CUL4A: variants seen among roughly 807,000 people sequenced by gnomAD.
CUL4A encodes cullin-4A.
A neutral mutation model predicts 95.5 loss-of-function variants in CUL4A; 16 were observed. The observed-to-expected ratio is 0.17, with a 90% CI of 0.11 to 0.25. The LOEUF (loss-of-function observed/expected upper bound fraction) is 0.25, where lower values mean the gene tolerates loss of function less well. Among genes scored for constraint, CUL4A ranks in the 10% least tolerant of loss-of-function variants. CUL4A has a pLI of 1.00. For missense variants in CUL4A, 610 were observed against 937.0 expected (o/e 0.65, Z 4.56); for synonymous variants, 380 against 353.1 (o/e 1.08, Z -0.85).
rs1210675977 is a variant in CUL4A, at chr13:113,232,202, G to A, written c.513-975G>A. ...ACCATTACTGCTGCCACCACTACCC[G>A]CCCACCACCATTACTGCTGCCACCA... On this transcript the variant is annotated intron_variant, in intron 5 of 19. Transcript: ENST00000375440. Among the ~76,000 whole-genome samples, 4 of 3,760 alleles carry A rather than the reference G, an allele frequency of 1.1e-3. 1 individual carries two copies. The highest frequency in any genetic ancestry group is 2.8e-3 in the Admixed American group (1 of 356). The allele number at this position is 3,760 out of a possible 152,430, so 2.5% of individuals were successfully genotyped here. A position where few individuals can be genotyped will look rare whatever the true frequency, so the allele number is the denominator to read the frequency against.
rs192239568 is a variant in CUL4A, at chr13:113,254,395, G to A, written c.1753-298G>A. ...GGGTGGATCACAAGGTCAGGAGATCGAGACCATCCTGGCTAACACAGTGGA... is the reference window on the plus strand; with the variant it reads ...GGGTGGATCACAAGGTCAGGAGATCAAGACCATCCTGGCTAACACAGTGGA... On this transcript the variant is annotated intron_variant, in intron 16 of 19. Coordinates refer to ENST00000375440, the MANE Select transcript of CUL4A (RefSeq NM_001008895.4). 4.3e-3 allele frequency among the ~76,000 whole-genome samples: 660 copies of A among 152,214 alleles called. 15 individuals are homozygous for A. Among genetic ancestry groups the A allele is most frequent in the Admixed American group, 0.039 (589 of 15,286 alleles).
At chr13:113,208,268 G>A, upstream of CUL4A, 2 of 1,441,340 alleles carry the variant, frequency 1.4e-6, no homozygotes, top group Non-Finnish European at 1.8e-6. Flanking sequence ...GGCGTGGCCC[G>A]CAGGCCCTTC....
chr13:113,235,774 T>G (rs1595390337), intron 8 of CUL4A, among the ~76,000 whole-genome samples: 3 of 151,892 alleles, frequency 2.0e-5, no homozygotes, highest in East Asian at 3.9e-4. Context: ...ATCGAGACCA[T>G]CCTGACCAAC....
rs2040294577 is a variant in CUL4A, at chr13:113,209,845, G to C, written c.148+70G>C. 3 of 1,160,158 alleles carry C rather than the reference G, an allele frequency of 2.6e-6. No homozygotes were observed. In the South Asian group the frequency reaches 1.3e-4, roughly 48 times the overall value. 71.9% of individuals were successfully genotyped at this position (1,160,158 alleles called of 1,614,324 possible). A position where few individuals can be genotyped will look rare whatever the true frequency, so the allele number is the denominator to read the frequency against. On this transcript the variant is annotated intron_variant, in intron 1 of 19. Coordinates refer to ENST00000375440, the MANE Select transcript of CUL4A (RefSeq NM_001008895.4). ...ACCCCACGAGACCCCGCCCGACTTG[G>C]GGGGAAGGCCCCGAGATCCGTGCGG...
intron 16 of CUL4A, 139 bp from the exon 17 acceptor site, chr13:113,254,554 C>T (rs2042073979): frequency 5.3e-6 from 3 of 564,302 alleles, no homozygotes; most frequent in Non-Finnish European, 9.2e-6. Context: ...GAGATTGTGC[C>T]ACTGCACTCC....
chr13:113,232,218 G>GTCACCACTAC lies in CUL4A; in HGVS notation c.513-959_513-958insTCACCACTAC, dbSNP rs1566343834. Reference sequence around the variant, plus strand: ...CCACTACCCGCCCACCACCATTACTGCTGCCACCACTACCCGCCCACCACC... The same window carrying GTCACCACTAC: ...CCACTACCCGCCCACCACCATTACTGTCACCACTACCTGCCACCACTACCCGCCCACCACC... On this transcript the variant is annotated intron_variant, in intron 5 of 19. Transcript: ENST00000375440. Among the ~76,000 whole-genome samples, 8 of 2,600 alleles carry GTCACCACTAC rather than the reference G, an allele frequency of 3.1e-3. 3 individuals carry two copies. In the East Asian group the frequency reaches 0.047, roughly 15 times the overall value. The allele number at this position is 2,600 out of a possible 152,430, so 1.7% of individuals were successfully genotyped here.
At chr13:113,259,807 T>C (rs2042221555) in intron 18 of CUL4A, among the ~76,000 whole-genome samples, 2 of 152,180 alleles carry the variant, frequency 1.3e-5, no homozygotes, top group Admixed American at 1.3e-4. Flanking sequence ...TTTTTAAGTT[T>C]TGGTTTTGGA....
At chr13:113,223,586 G>A (rs777572913) in intron 3 of CUL4A, among the ~76,000 whole-genome samples, 6 of 152,170 alleles carry the variant, frequency 3.9e-5, no homozygotes, top group Non-Finnish European at 5.9e-5. Flanking sequence ...TAGTAGAAAC[G>A]GGGTTTCTCC....
chr13:113,220,863 CAG>C (rs2040870902), intron 3 of CUL4A, among the ~76,000 whole-genome samples: 1 of 152,160 alleles, frequency 6.6e-6, no homozygotes, highest in Non-Finnish European at 1.5e-5. Context: ...ATGGGAGAGG[CAG>C]GGGAATTACT....
In CUL4A at chr13:113,264,232, C is replaced by G. The variant is rs954286212; in HGVS notation, c.*650C>G. On this transcript the variant is annotated 3_prime_UTR_variant, in exon 20 of 20. Transcript: ENST00000375440. The stretch of plus-strand genomic sequence containing the variant: ...TGCCAAGGCCATGGTGTCCGCCCTG[C>G]TGCGTCTGTTCGTCAGCTGAGTTCC... The G allele has an allele frequency of 3.9e-5, 6 of 152,206 alleles. No homozygotes were observed. The highest frequency in any genetic ancestry group is 1.3e-4 in the Admixed American group (2 of 15,270). 9.4% of individuals were successfully genotyped at this position (152,206 alleles called of 1,614,324 possible).
upstream of CUL4A, chr13:113,208,271 G>A: frequency 3.5e-6 from 5 of 1,440,808 alleles, no homozygotes; most frequent in Non-Finnish European, 4.5e-6. Flanking sequence ...GTGGCCCGCA[G>A]GCCCTTCGGA....
upstream of CUL4A, chr13:113,209,607 C>T (rs1319169574): frequency 1.3e-5 from 13 of 1,019,740 alleles, no homozygotes; most frequent in African/African-American, 1.8e-5. Context: ...CGGGGCGGGG[C>T]GCGGCGGTTC....
At chr13:113,261,273 T>G (rs1263061234) in intron 19 of CUL4A, among the ~76,000 whole-genome samples, 1 of 152,082 alleles carries the variant, frequency 6.6e-6, no homozygotes, top group Non-Finnish European at 1.5e-5. Flanking sequence ...CGGGAAAGTA[T>G]TATGAAACGT....
chr13:113,263,259 C>A (rs1796273177), intron 19 of CUL4A, among the ~76,000 whole-genome samples: 1 of 152,208 alleles, frequency 6.6e-6, no homozygotes, highest in Admixed American at 6.5e-5. Context: ...CATAAACTCA[C>A]ATGGACGCTT....
intron 3 of CUL4A, among the ~76,000 whole-genome samples, chr13:113,222,743 A>C (rs1396951314): frequency 6.6e-6 from 1 of 152,218 alleles, no homozygotes; most frequent in Non-Finnish European, 1.5e-5. Flanking sequence ...AGAGCAGCCT[A>C]GACGACAATT....
chr13:113,208,606 A>C, upstream of CUL4A: 1 of 1,607,422 alleles, frequency 6.2e-7, no homozygotes, highest in Non-Finnish European at 8.5e-7. Flanking sequence ...CACCTGCTGC[A>C]GGTACTGGTT....
chr13:113,266,608 G>A lies in CUL4A; in HGVS notation c.*3026G>A, dbSNP rs2042399727. 6.6e-6 allele frequency: 1 copy of A among 152,256 alleles called. No individual in the cohort carries two copies. Among genetic ancestry groups the A allele is most frequent in the South Asian group, 2.1e-4 (1 of 4,818 alleles). The allele number at this position is 152,256 out of a possible 1,614,324, so 9.4% of individuals were successfully genotyped here. ...ATTGTAATTGAAACAGCATGATGCT[G>A]GCCCTTTAAAAAGATTCCTGGAACA... is the stretch of plus-strand genomic sequence containing the variant. On this transcript the variant is annotated 3_prime_UTR_variant, in exon 20 of 20. Coordinates refer to ENST00000375440, the MANE Select transcript of CUL4A (RefSeq NM_001008895.4).
intron 16 of CUL4A, 47 bp from the exon 17 acceptor site, chr13:113,254,646 A>T (rs757774659): frequency 8.7e-6 from 11 of 1,260,464 alleles, no homozygotes; most frequent in Non-Finnish European, 1.2e-5. Context: ...TTTTTCAAAG[A>T]TTGTACATGC....
At chr13:113,208,641 G>A, upstream of CUL4A, 3 of 1,602,932 alleles carry the variant, frequency 1.9e-6, no homozygotes, top group Admixed American at 1.7e-5. Context: ...CCATGGGAGC[G>A]CCGCCGAACG....
Sources: gnomAD v4.1 joint callset for allele counts (sites outside exome capture counted in the v4.1 genomes callset) on GRCh38, gnomAD v4.1.1 for gene constraint, MANE v1.5 for transcripts, NCBI Gene and HGNC (gene_info 2026-07-23, HGNC 2026-07-21) for gene names.